ZNF385D: variants seen among roughly 807,000 people sequenced by gnomAD.
The protein encoded by ZNF385D is zinc finger protein 659.
Under a neutral mutation model 35.8 loss-of-function variants are expected in ZNF385D, and 15 were observed. The observed-to-expected ratio is 0.42, with a 90% CI of 0.28 to 0.64. The LOEUF (loss-of-function observed/expected upper bound fraction) is 0.64. ZNF385D is among the 30% of genes least tolerant of loss of function. ZNF385D has a pLI of 0.23. For missense variants in ZNF385D, 474 were observed against 494.6 expected, an observed-to-expected ratio of 0.96 and a Z score of 0.39; for synonymous variants, 212 against 186.8, an observed-to-expected ratio of 1.13 and a Z score of -1.10.
At chr3:21,745,396 C>A (rs1027823432) in intron 1 of ZNF385D, among the ~76,000 whole-genome samples, 1 of 152,130 alleles carries the variant, frequency 6.6e-6, no homozygotes, top group Non-Finnish European at 1.5e-5. Flanking sequence ...ATGAAAATAC[C>A]TTCCGTTTCA....
rs1029336039 is a variant in ZNF385D at position 21,664,868 on chromosome 3, A to G, written c.165+18T>C. On this transcript the variant is annotated intron_variant, in intron 2 of 7. Coordinates refer to ENST00000281523, the MANE Select transcript of ZNF385D (RefSeq NM_024697.3). Reference sequence around the variant, plus strand: ...AATACCTTCCACTCAGGCAAAGACAAATTTGGCAGGTACTTACCGCATTGA... The same window carrying G: ...AATACCTTCCACTCAGGCAAAGACAGATTTGGCAGGTACTTACCGCATTGA... The G allele has an allele frequency of 1.2e-6, 2 of 1,613,322 alleles. No individual in the cohort carries two copies. Among genetic ancestry groups the G allele is most frequent in the Middle Eastern group, 1.6e-4 (1 of 6,072 alleles).
chr3:21,809,406 T>G (rs1278542541), intron 3 of ZNF385D, among the ~76,000 whole-genome samples: 1 of 151,938 alleles, frequency 6.6e-6, no homozygotes, highest in South Asian at 2.1e-4. Context: ...TATTGTCTAA[T>G]GCGGTTTTCA....
chr3:21,771,777 C>G lies in ZNF385D; in HGVS notation c.326-106749G>C, dbSNP rs192559476. ...TAAGTAAGACCATAAATAGCAAATA[C>G]AATCTTGAAAATAAATAACAAAGAT... On this transcript the variant is annotated intron_variant, in intron 3 of 5. Transcript: ENST00000494108. 1.6e-4 allele frequency among the ~76,000 whole-genome samples: 24 copies of G among 151,852 alleles called. No individual in the cohort carries two copies. In the East Asian group the frequency reaches 4.7e-3, roughly 30 times the overall value.
chr3:21,992,889 T>C (rs1695230499), intron 3 of ZNF385D, among the ~76,000 whole-genome samples: 1 of 152,186 alleles, frequency 6.6e-6, no homozygotes, highest in South Asian at 2.1e-4. Context: ...AGTTTCTTAG[T>C]ATAAACTCCA....
intron 3 of ZNF385D, among the ~76,000 whole-genome samples, chr3:21,764,332 T>C (rs1189988970): frequency 6.6e-6 from 1 of 152,170 alleles, no homozygotes. Context: ...CAACAAATAT[T>C]TGAAAAACCA....
At chr3:21,998,256 T>A (rs1265816004) in intron 3 of ZNF385D, among the ~76,000 whole-genome samples, 1 of 152,164 alleles carries the variant, frequency 6.6e-6, no homozygotes, top group Admixed American at 6.6e-5. Flanking sequence ...CTACTCTGCC[T>A]ATGTGATAAC....
chr3:21,932,194 A>AAAAAAAAAAT (rs1701047571), intron 3 of ZNF385D, among the ~76,000 whole-genome samples: 20 of 140,874 alleles, frequency 1.4e-4, no homozygotes, highest in Non-Finnish European at 2.2e-4. Flanking sequence ...AAAAAAAAAA[A>AAAAAAAAAAT]GTGTGACTTG....
chr3:21,903,625 T>C (rs1036154638), intron 3 of ZNF385D, among the ~76,000 whole-genome samples: 3 of 152,204 alleles, frequency 2.0e-5, no homozygotes, highest in African/African-American at 7.2e-5. Flanking sequence ...CATTGAACTG[T>C]ACATTTAAAA....
At chr3:21,785,535 C>T (rs921462310) in intron 3 of ZNF385D, among the ~76,000 whole-genome samples, 1 of 152,142 alleles carries the variant, frequency 6.6e-6, no homozygotes, top group African/African-American at 2.4e-5. Flanking sequence ...AAGCTTTGTA[C>T]CCTTTAACCA....
At chr3:21,783,011 C>G (rs1289490171) in intron 3 of ZNF385D, among the ~76,000 whole-genome samples, 2 of 152,118 alleles carry the variant, frequency 1.3e-5, no homozygotes, top group African/African-American at 4.8e-5. Flanking sequence ...GCAATTTCTA[C>G]TTATAGCCCT....
intron 3 of ZNF385D, among the ~76,000 whole-genome samples, chr3:22,114,437 T>C (rs1277541477): frequency 6.6e-6 from 1 of 152,134 alleles, no homozygotes; most frequent in Non-Finnish European, 1.5e-5. Flanking sequence ...TATCATGTTT[T>C]ACATTGTGTT....
intron 1 of ZNF385D, among the ~76,000 whole-genome samples, chr3:21,698,841 A>G (rs1292805961): frequency 1.3e-5 from 2 of 152,220 alleles, no homozygotes; most frequent in Admixed American, 6.5e-5. Context: ...TCAGGAAACA[A>G]CAGATGCTGG....
chr3:22,095,406 A>G (rs1207655604), intron 3 of ZNF385D, among the ~76,000 whole-genome samples: 1 of 151,836 alleles, frequency 6.6e-6, no homozygotes, highest in Non-Finnish European at 1.5e-5. Context: ...TAACTTAGGC[A>G]CTAACTTTCC....
In ZNF385D at chr3:21,787,805, T is replaced by C. The variant is rs190249902; in HGVS notation, c.326-122777A>G. On this transcript the variant is annotated intron_variant, in intron 3 of 5. Transcript: ENST00000494108. ...AGGCAATGTTAGGGGAAGAAGAGCG[T>C]ACTTTTTTAAAAAAAGAGAGCAATA... Among the ~76,000 whole-genome samples the C allele has an allele frequency of 2.6e-5, 4 of 151,934 alleles. No individual in the cohort carries two copies. In the East Asian group the frequency reaches 5.8e-4, roughly 22 times the overall value.
upstream of ZNF385D, among the ~76,000 whole-genome samples, chr3:21,753,979 G>A (rs753886257): frequency 1.3e-5 from 2 of 152,022 alleles, no homozygotes; most frequent in Non-Finnish European, 1.5e-5. Flanking sequence ...AGACAACAAT[G>A]TCCTCCAGGT....
chr3:22,207,567 A>G (rs1333342115), intron 2 of ZNF385D, among the ~76,000 whole-genome samples: 2 of 151,978 alleles, frequency 1.3e-5, no homozygotes, highest in African/African-American at 4.8e-5. Context: ...AAGCATAGGC[A>G]TGCAAAGCAA....
intron 3 of ZNF385D, among the ~76,000 whole-genome samples, chr3:21,850,940 T>C (rs1696345903): frequency 6.6e-6 from 1 of 152,032 alleles, no homozygotes; most frequent in South Asian, 2.1e-4. Context: ...AACCATTATG[T>C]ATCATTCAAA....
chr3:21,897,215 C>G (rs545891163), intron 3 of ZNF385D, among the ~76,000 whole-genome samples: 2 of 152,228 alleles, frequency 1.3e-5, no homozygotes, highest in South Asian at 2.1e-4. Context: ...AATAATGGTT[C>G]TCTTGAGCCT....
At chr3:22,177,306 T>C (rs915494773) in intron 2 of ZNF385D, among the ~76,000 whole-genome samples, 1 of 152,218 alleles carries the variant, frequency 6.6e-6, no homozygotes, top group Non-Finnish European at 1.5e-5. Context: ...TAAAACAGCT[T>C]ACATAAAACT....
Sources: gnomAD v4.1 joint callset for allele counts (sites outside exome capture counted in the v4.1 genomes callset) on GRCh38, gnomAD v4.1.1 for gene constraint, MANE v1.5 for transcripts, NCBI Gene and HGNC (gene_info 2026-07-23, HGNC 2026-07-21) for gene names.